Variants in CLEC6A observed in about 807,000 individuals in gnomAD.
The protein encoded by CLEC6A is C-type lectin domain containing 6A.
Under a neutral mutation model 25.7 loss-of-function variants are expected in CLEC6A, and 22 were observed. The ratio of observed to expected loss-of-function variants is 0.85; its 90% CI spans 0.61 to 1.22. The LOEUF is 1.22. CLEC6A is among the 50% of genes most tolerant of loss of function. CLEC6A has a pLI of 0.00. For synonymous variants in CLEC6A, 92 were observed against 76.7 expected (o/e 1.20, Z -1.04); for missense variants, 240 against 236.8 (o/e 1.01, Z -0.09).
chr12:8,457,616 G>C (rs1015149885), intron 1 of CLEC6A, among the ~76,000 whole-genome samples: 6 of 152,158 alleles, frequency 3.9e-5, no homozygotes. Flanking sequence ...CAAAAGTGAT[G>C]TTTTGAGAAA....
rs1011957374 is a variant in CLEC6A at position 8,476,313 on chromosome 12, A to G, written c.485+73A>G. On this transcript the variant is annotated intron_variant, in intron 5 of 5. Coordinates refer to ENST00000382073, the MANE Select transcript of CLEC6A (RefSeq NM_001007033.2). ...TTTGTTAGGAGTTACTAATAATGTT[A>G]ATATTGGTAATTATGATAACAGGAT... is the stretch of plus-strand genomic sequence containing the variant. 97 of 805,060 alleles carry G rather than the reference A, an allele frequency of 1.2e-4. 1 individual carries two copies. Among genetic ancestry groups the G allele is most frequent in the Non-Finnish European group, 3.1e-5 (15 of 479,422 alleles). The allele number at this position is 805,060 out of a possible 1,614,324, so 49.9% of individuals were successfully genotyped here. A position where few individuals can be genotyped will look rare whatever the true frequency, so the allele number is the denominator to read the frequency against.
intron 3 of CLEC6A, among the ~76,000 whole-genome samples, chr12:8,464,385 G>C (rs763916795): frequency 6.6e-6 from 1 of 150,824 alleles, no homozygotes; most frequent in Admixed American, 6.6e-5. Context: ...GCTGGAGTGC[G>C]GTGGTGCAAT....
intron 4 of CLEC6A, among the ~76,000 whole-genome samples, 181 bp downstream of exon 4, chr12:8,465,810 C>T (rs1173143120): frequency 6.6e-6 from 1 of 152,204 alleles, no homozygotes; most frequent in African/African-American, 2.4e-5. Context: ...TGAACAACAA[C>T]TACCCATTTC....
At chr12:8,466,322 A>C (rs1939829210) in intron 4 of CLEC6A, among the ~76,000 whole-genome samples, 1 of 152,196 alleles carries the variant, frequency 6.6e-6, no homozygotes, top group South Asian at 2.1e-4. Flanking sequence ...CTTTGCAGCT[A>C]TTGTGAATAA....
intron 4 of CLEC6A, among the ~76,000 whole-genome samples, chr12:8,468,193 T>C (rs780770618): frequency 6.6e-6 from 1 of 152,360 alleles, no homozygotes; most frequent in South Asian, 2.1e-4. Context: ...TCCACCCACC[T>C]CGGCCTCCCA....
intron 4 of CLEC6A, among the ~76,000 whole-genome samples, chr12:8,473,915 TGG>T (rs1484971626): frequency 1.3e-5 from 2 of 152,196 alleles, no homozygotes; most frequent in Non-Finnish European, 2.9e-5. Flanking sequence ...CATTTTTTAA[TGG>T]GGTTGTTTGT....
intron 4 of CLEC6A, among the ~76,000 whole-genome samples, chr12:8,474,706 A>G (rs1272194750): frequency 6.6e-6 from 1 of 152,182 alleles, no homozygotes; most frequent in African/African-American, 2.4e-5. Context: ...ATTAATTTCC[A>G]TTTGCCTTGA....
intron 4 of CLEC6A, among the ~76,000 whole-genome samples, chr12:8,471,673 TCTTA>T (rs1418709849): frequency 1.2e-4 from 19 of 152,258 alleles, no homozygotes; most frequent in South Asian, 1.2e-3. Flanking sequence ...CTTTCCTTTT[TCTTA>T]CTTAGTCTAG....
rs774209365 is a variant in CLEC6A, at chr12:8,467,685, C to T, written c.369+2056C>T. On this transcript the variant is annotated intron_variant, in intron 4 of 5. Coordinates refer to ENST00000382073, the MANE Select transcript of CLEC6A (RefSeq NM_001007033.2). ...GGCTATTAGGGATTTCTTGATATTCCATATGAACTTTAGAATTTTCTTTCT... is the reference window on the plus strand; with the variant it reads ...GGCTATTAGGGATTTCTTGATATTCTATATGAACTTTAGAATTTTCTTTCT... 3.3e-5 allele frequency among the ~76,000 whole-genome samples: 5 copies of T among 152,218 alleles called. No individual in the cohort carries two copies. The East Asian group carries it at 7.7e-4, about 23-fold the overall frequency.
intron 3 of CLEC6A, chr12:8,461,143 A>G: frequency 6.6e-7 from 1 of 1,509,798 alleles, no homozygotes; most frequent in Non-Finnish European, 9.1e-7. Context: ...TGGCCTTGGA[A>G]AGGGCCATAA....
chr12:8,471,572 T>A (rs1332799044), intron 4 of CLEC6A, among the ~76,000 whole-genome samples: 1 of 152,090 alleles, frequency 6.6e-6, no homozygotes, highest in Non-Finnish European at 1.5e-5. Flanking sequence ...GGCATATAAT[T>A]GTTCTCAGTA....
At chr12:8,461,193 G>C in intron 3 of CLEC6A, 2 of 1,059,990 alleles carry the variant, frequency 1.9e-6, no homozygotes, top group South Asian at 1.3e-5. Flanking sequence ...TGGCAGATTG[G>C]AGAATGTGCA....
chr12:8,470,786 T>C (rs1265195685), intron 4 of CLEC6A, among the ~76,000 whole-genome samples: 1 of 152,004 alleles, frequency 6.6e-6, no homozygotes, highest in Non-Finnish European at 1.5e-5. Context: ...AGACTACACA[T>C]TGGGTACAGT....
At chr12:8,464,682 T>C (rs1016649780) in intron 3 of CLEC6A, among the ~76,000 whole-genome samples, 3 of 152,216 alleles carry the variant, frequency 2.0e-5, no homozygotes, top group African/African-American at 7.2e-5. Flanking sequence ...TAGGCATACA[T>C]ATATATTTGT....
chr12:8,469,510 G>A (rs1208340018), intron 4 of CLEC6A, among the ~76,000 whole-genome samples: 2 of 152,000 alleles, frequency 1.3e-5, no homozygotes, highest in Non-Finnish European at 2.9e-5. Context: ...AGATCTGGAG[G>A]CATTACATTA....
intron 3 of CLEC6A, chr12:8,460,469 C>T: frequency 1.7e-6 from 1 of 588,450 alleles, no homozygotes; most frequent in East Asian, 2.8e-5. Context: ...AATTATCTCC[C>T]ACAGGGTCCC....
intron 3 of CLEC6A, chr12:8,461,315 A>C: frequency 1.9e-6 from 1 of 530,382 alleles, no homozygotes; most frequent in Non-Finnish European, 3.4e-6. Flanking sequence ...GAAAAAGGGA[A>C]AGAGAAGTAA....
chr12:8,465,856 T>C (rs929639268), intron 4 of CLEC6A, among the ~76,000 whole-genome samples: 1 of 152,182 alleles, frequency 6.6e-6, no homozygotes, highest in African/African-American at 2.4e-5. Flanking sequence ...ACTCCTCTGC[T>C]TTCTGTTTCT....
chr12:8,458,264 C>A (rs1229980790), intron 2 of CLEC6A, among the ~76,000 whole-genome samples: 1 of 152,322 alleles, frequency 6.6e-6, no homozygotes, highest in Middle Eastern at 3.4e-3. Flanking sequence ...AAGACACCAT[C>A]TTTCAGGACT....
Sources: allele counts gnomAD v4.1 joint callset (sites outside exome capture counted in the v4.1 genomes callset), GRCh38; gene constraint gnomAD v4.1.1; transcripts MANE v1.5; gene names NCBI Gene and HGNC (gene_info 2026-07-23, HGNC 2026-07-21).